The following PRKDC variants were observed in gnomAD, a reference collection of about 807,000 sequenced individuals.
PRKDC encodes protein kinase, DNA-activated, catalytic subunit.
In PRKDC, 82 loss-of-function variants were observed where a neutral mutation model predicts 486.9. That is an observed-to-expected ratio of 0.17 (90% CI 0.14 to 0.20). The LOEUF (loss-of-function observed/expected upper bound fraction) is 0.20. PRKDC is among the 10% of genes least tolerant of loss of function. The pLI, the probability that PRKDC is intolerant of heterozygous loss-of-function variation, is 1.00. For synonymous variants in PRKDC, 1,895 were observed against 1,837.0 expected, an observed-to-expected ratio of 1.03 and a Z score of -0.81; for missense variants, 4,504 against 5,038.2, an observed-to-expected ratio of 0.89 and a Z score of 3.21.
chr8:47,819,375 A>G (rs751166754), intron 67 of PRKDC, 27 bp downstream of exon 67: 22 of 1,389,372 alleles, frequency 1.6e-5, no homozygotes, highest in Admixed American at 4.9e-5. Flanking sequence ...TTAGAAATGA[A>G]AAAAAAAGAC....
intron 61 of PRKDC, 94 bp downstream of exon 61, chr8:47,830,511 G>T: frequency 6.6e-7 from 1 of 1,512,176 alleles, no homozygotes; most frequent in Non-Finnish European, 9.0e-7. Context: ...CTATGTTGCA[G>T]GACAGCCTCA....
rs1337680270 is a variant in PRKDC at position 47,785,335 on chromosome 8, T to G, written c.10903-18A>C. ...CCAAAAGTCTGAAATTAGTAAGAAT[T>G]TACTATAAAGACTGATGTTTAGTTT... On this transcript the variant is annotated intron_variant, in intron 76 of 85. Coordinates refer to ENST00000314191, the MANE Select transcript of PRKDC (RefSeq NM_006904.7). The G allele has an allele frequency of 6.5e-7, 1 of 1,536,372 alleles. No homozygotes were observed. Among genetic ancestry groups the G allele is most frequent in the East Asian group, 2.4e-5 (1 of 41,812 alleles).
Position 47,947,499 on chromosome 8 carries a change from C to T in PRKDC, c.722-3470G>A, listed in dbSNP as rs138313553. Among the ~76,000 whole-genome samples the T allele has an allele frequency of 1.7e-3, 253 of 152,346 alleles. 1 individual carries two copies. Among genetic ancestry groups the T allele is most frequent in the African/African-American group, 5.7e-3 (239 of 41,586 alleles). ...ATGGCACCCATGGCCAGGCACAGTG[C>T]CTCAAGCCTGTAATCTGAGCACCTT... On this transcript the variant is annotated intron_variant, in intron 7 of 85. Coordinates refer to ENST00000314191, the MANE Select transcript of PRKDC (RefSeq NM_006904.7).
At chr8:47,916,808 T>C (rs2089992113) in intron 22 of PRKDC, among the ~76,000 whole-genome samples, 1 of 152,190 alleles carries the variant, frequency 6.6e-6, no homozygotes, top group Admixed American at 6.5e-5. Flanking sequence ...TAAAAATCTG[T>C]GCTCAGAGTC....
rs2089164944 is a variant in PRKDC, at chr8:47,879,566, A to G, written c.5160T>C (p.Ala1720=). The G allele has an allele frequency of 1.9e-6, 3 of 1,597,810 alleles. No homozygotes were observed. The highest frequency in any genetic ancestry group is 4.5e-5 in the East Asian group (2 of 44,468). The change falls in exon 39 of 86, where the codon GCT becomes GCC. Residue 1720 remains alanine, a synonymous_variant. Transcript: ENST00000314191. Reference sequence around the variant, plus strand: ...ATTCCCTGGACTGCATGGGGAAGTGAGCAACGATGAGCTGCTCCAGAACAC... The same window carrying G: ...ATTCCCTGGACTGCATGGGGAAGTGGGCAACGATGAGCTGCTCCAGAACAC... ...LRRVLEQLIV[A]HFPMQSREFP...
intron 26 of PRKDC, among the ~76,000 whole-genome samples, chr8:47,903,591 G>A (rs2154502393): frequency 6.6e-6 from 1 of 152,298 alleles, no homozygotes; most frequent in South Asian, 2.1e-4. Context: ...GGTGATGCAG[G>A]GAAGAGCAGC....
At chr8:47,910,306 T>C (rs1007459835) in intron 25 of PRKDC, among the ~76,000 whole-genome samples, 7 of 152,214 alleles carry the variant, frequency 4.6e-5, no homozygotes, top group African/African-American at 1.7e-4. Flanking sequence ...TACAGCAGTG[T>C]AAAGGCCCAC....
At chr8:47,939,732 T>C in intron 10 of PRKDC, 35 bp from the exon 11 acceptor site, 3 of 1,476,928 alleles carry the variant, frequency 2.0e-6, no homozygotes, top group South Asian at 1.3e-5. Flanking sequence ...TTTGGAAATA[T>C]TTAATAGCAA....
At chr8:47,817,136 T>C (rs747135808) in intron 68 of PRKDC, among the ~76,000 whole-genome samples, 1 of 152,226 alleles carries the variant, frequency 6.6e-6, no homozygotes, top group Non-Finnish European at 1.5e-5. Context: ...TCTTCTTTGT[T>C]GTCATCTAAC....
chr8:47,773,967 T>C lies in PRKDC; in HGVS notation c.*206A>G. The C allele has an allele frequency of 2.0e-6, 1 of 512,612 alleles. No homozygotes were observed. Among genetic ancestry groups the C allele is most frequent in the Non-Finnish European group, 3.4e-6 (1 of 295,580 alleles). 31.8% of individuals were successfully genotyped at this position (512,612 alleles called of 1,614,324 possible). On this transcript the variant is annotated 3_prime_UTR_variant, in exon 86 of 86. Coordinates refer to ENST00000314191, the MANE Select transcript of PRKDC (RefSeq NM_006904.7). Reference sequence around the variant, plus strand: ...TCTTTCTATAAACCTCACCTAATCTTTGATGTTACTATAACCTTATCTTTG... The same window carrying C: ...TCTTTCTATAAACCTCACCTAATCTCTGATGTTACTATAACCTTATCTTTG...
chr8:47,956,541 A>G (rs1262868691), intron 3 of PRKDC, among the ~76,000 whole-genome samples: 1 of 151,568 alleles, frequency 6.6e-6, no homozygotes, highest in Non-Finnish European at 1.5e-5. Flanking sequence ...CAAAAAAAAA[A>G]AAAAATACAA....
At chr8:47,808,500 A>C (rs2087259983) in intron 68 of PRKDC, among the ~76,000 whole-genome samples, 1 of 152,018 alleles carries the variant, frequency 6.6e-6, no homozygotes, top group South Asian at 2.1e-4. Flanking sequence ...GCCTCACTAT[A>C]TTGCCCAGCC....
Position 47,826,668 on chromosome 8 carries a change from A to C in PRKDC, c.8771T>G (p.Val2924Gly). The change falls in exon 63 of 86, where the codon GTG becomes GGG. Residue 2924 changes from valine to glycine, a missense_variant. Physicochemically the swap from Val to Gly is moderately radical, Grantham distance 109. Transcript: ENST00000314191. The stretch of plus-strand genomic sequence containing the variant: ...ACCTCACACTTACTTAGCAAGCTCC[A>C]CCCATCTGAGGACATCAGGAGGGAG... ...ARLPPDVLRW[V>G]ELAKLYRSIG... The C allele has an allele frequency of 6.2e-7, 1 of 1,610,010 alleles. No individual in the cohort carries two copies. The highest frequency in any genetic ancestry group is 8.5e-7 in the Non-Finnish European group (1 of 1,177,728).
chr8:47,886,593 T>C (rs2089337696), intron 35 of PRKDC, among the ~76,000 whole-genome samples: 1 of 152,122 alleles, frequency 6.6e-6, no homozygotes, highest in African/African-American at 2.4e-5. Context: ...CATTTCACCA[T>C]GTAGTTCAGG....
At chr8:47,894,106 C>T (rs144454161) in intron 30 of PRKDC, among the ~76,000 whole-genome samples, 2,882 of 152,132 alleles carry the variant, frequency 0.019, 41 homozygotes, top group Middle Eastern at 0.034. Context: ...CATGGTGAAA[C>T]CCCATCTCTA....
At chr8:47,816,122 G>T (rs1442554378) in intron 68 of PRKDC, among the ~76,000 whole-genome samples, 2 of 152,064 alleles carry the variant, frequency 1.3e-5, no homozygotes, top group Non-Finnish European at 2.9e-5. Context: ...GTTGAGGCAG[G>T]AGAATCGCTT....
chr8:47,905,632 CAA>C (rs927120498), intron 25 of PRKDC, among the ~76,000 whole-genome samples: 20 of 152,132 alleles, frequency 1.3e-4, no homozygotes, highest in Non-Finnish European at 1.2e-4. Flanking sequence ...TACACAAATT[CAA>C]AGCCAGTACC....
chr8:47,806,449 T>G (rs542423969), intron 69 of PRKDC, among the ~76,000 whole-genome samples: 1 of 152,310 alleles, frequency 6.6e-6, no homozygotes, highest in South Asian at 2.1e-4. Context: ...TTACTTGATA[T>G]TACACTCATC....
intron 21 of PRKDC, among the ~76,000 whole-genome samples, chr8:47,920,239 G>A (rs1298707009): frequency 6.6e-6 from 1 of 152,216 alleles, no homozygotes; most frequent in Non-Finnish European, 1.5e-5. Flanking sequence ...TTCTGTGTGT[G>A]TGTCTTTAAT....
Sources: gnomAD v4.1 joint callset for allele counts (sites outside exome capture counted in the v4.1 genomes callset) on GRCh38, gnomAD v4.1.1 for gene constraint, MANE v1.5 for transcripts, NCBI Gene and HGNC (gene_info 2026-07-23, HGNC 2026-07-21) for gene names.